The following PANX1 variants were observed in gnomAD, a reference collection of about 807,000 sequenced individuals.
PANX1 encodes pannexin 1.
Under a neutral mutation model 38.7 loss-of-function variants are expected in PANX1, and 30 were observed. That is an observed-to-expected ratio of 0.78 (90% CI 0.58 to 1.05). The LOEUF (loss-of-function observed/expected upper bound fraction) is 1.05. PANX1 is among the 50% of genes least tolerant of loss of function. PANX1 has a pLI of 0.00. For missense variants in PANX1, 551 were observed against 517.2 expected, an observed-to-expected ratio of 1.07 and a Z score of -0.63; for synonymous variants, 230 against 212.2, an observed-to-expected ratio of 1.08 and a Z score of -0.73.
intron 1 of PANX1, among the ~76,000 whole-genome samples, chr11:94,139,195 T>TA (rs1946733402): frequency 6.6e-6 from 1 of 152,252 alleles, no homozygotes; most frequent in Non-Finnish European, 1.5e-5. Context: ...ACTGCTTTCA[T>TA]ACTGGCTTGT....
At chr11:94,133,331 A>G (rs1199900381) in intron 1 of PANX1, among the ~76,000 whole-genome samples, 2 of 152,108 alleles carry the variant, frequency 1.3e-5, no homozygotes, top group African/African-American at 4.8e-5. Context: ...GCTGCCCACA[A>G]TCACAGGTTG....
At chr11:94,158,018 T>C (rs1030314521) in intron 2 of PANX1, among the ~76,000 whole-genome samples, 28 of 152,354 alleles carry the variant, frequency 1.8e-4, no homozygotes, top group Non-Finnish European at 3.1e-4. Flanking sequence ...CCCCATTTCT[T>C]GTTTTTGTCA....
At chr11:94,142,048 C>G (rs1946768101) in intron 1 of PANX1, among the ~76,000 whole-genome samples, 1 of 152,164 alleles carries the variant, frequency 6.6e-6, no homozygotes, top group Admixed American at 6.5e-5. Context: ...ATTGCTCTTT[C>G]CAGAGCCTGG....
intron 2 of PANX1, among the ~76,000 whole-genome samples, chr11:94,176,729 A>G (rs978095426): frequency 6.6e-6 from 1 of 151,664 alleles, no homozygotes; most frequent in Non-Finnish European, 1.5e-5. Flanking sequence ...GACCCATCCA[A>G]AAGTAAGGAG....
chr11:94,138,552 G>A (rs1467566969), intron 1 of PANX1, among the ~76,000 whole-genome samples: 1 of 151,902 alleles, frequency 6.6e-6, no homozygotes, highest in Non-Finnish European at 1.5e-5. Flanking sequence ...ATATTCATGG[G>A]GTATGTGAGA....
intron 2 of PANX1, among the ~76,000 whole-genome samples, chr11:94,155,125 C>T (rs374415560): frequency 3.3e-5 from 5 of 151,884 alleles, no homozygotes; most frequent in East Asian, 1.9e-4. Context: ...CCGAGGCAAG[C>T]GGATCACTTG....
intron 2 of PANX1, among the ~76,000 whole-genome samples, chr11:94,174,592 GCTT>G: frequency 1.3e-5 from 2 of 151,624 alleles, no homozygotes; most frequent in Non-Finnish European, 2.9e-5. Context: ...TTAATTATCA[GCTT>G]GTGTTCCCAT....
chr11:94,134,529 T>G (rs1946664848), intron 1 of PANX1, among the ~76,000 whole-genome samples: 1 of 152,214 alleles, frequency 6.6e-6, no homozygotes, highest in Non-Finnish European at 1.5e-5. Context: ...CCCAATGTGA[T>G]GCTAATTGGA....
intron 2 of PANX1, among the ~76,000 whole-genome samples, chr11:94,167,253 G>A (rs1290470915): frequency 1.3e-5 from 2 of 152,200 alleles, no homozygotes; most frequent in East Asian, 3.8e-4. Context: ...GGTGTAAGCA[G>A]TGCAAGACCG....
chr11:94,179,899 T>C lies in PANX1; in HGVS notation c.843T>C (p.Leu281=), dbSNP rs756115420. Residue 281 remains leucine (L), a synonymous_variant, in exon 4 of 5, where the codon CTT becomes CTC. Coordinates refer to ENST00000227638, the MANE Select transcript of PANX1 (RefSeq NM_015368.4). The stretch of plus-strand genomic sequence containing the variant: ...TCCAGTTGCTCAGTGTCATTAACCT[T>C]GTGGTTTATGTCCTGCTGGCTCCCG... ...GIFQLLSVIN[L]VVYVLLAPVV... is the part of the protein sequence containing the mutation. 2 of 1,613,750 alleles carry C rather than the reference T, an allele frequency of 1.2e-6. No individual in the cohort carries two copies. The highest frequency in any genetic ancestry group is 2.2e-5 in the South Asian group (2 of 91,032).
At chr11:94,158,503 T>G (rs1032780471) in intron 2 of PANX1, among the ~76,000 whole-genome samples, 14 of 151,802 alleles carry the variant, frequency 9.2e-5, no homozygotes, top group Non-Finnish European at 1.8e-4. Flanking sequence ...TTATTCTCTT[T>G]GAAGCAATTG....
At chr11:94,179,517 G>A in intron 3 of PANX1, 85 bp from the exon 4 acceptor site, 1 of 949,840 alleles carries the variant, frequency 1.1e-6, no homozygotes, top group Non-Finnish European at 1.6e-6. Flanking sequence ...AATTTTTAGT[G>A]TGACATTGTT....
chr11:94,129,464 C>T lies in PANX1; in HGVS notation c.152C>T (p.Ser51Leu), dbSNP rs764404754. The change falls in exon 1 of 5, where the codon TCG becomes TTG. Residue 51 changes from serine (S) to leucine (L), a missense_variant. Transcript: ENST00000227638. ...GTGGGGCTGCCCCTGCTGCTCATCT[C>T]GCTGGCCTTCGCGCAGGAGATCTCG... ...IAVGLPLLLISLAFAQEISIG... is the reference protein window; with the variant it reads ...IAVGLPLLLILLAFAQEISIG... 1 of 1,613,036 alleles carries T rather than the reference C, an allele frequency of 6.2e-7. No individual in the cohort carries two copies. Among genetic ancestry groups the T allele is most frequent in the Non-Finnish European group, 8.5e-7 (1 of 1,179,330 alleles).
chr11:94,147,574 C>G (rs1444243251), intron 1 of PANX1, among the ~76,000 whole-genome samples: 1 of 152,136 alleles, frequency 6.6e-6, no homozygotes, highest in Non-Finnish European at 1.5e-5. Flanking sequence ...TTGTGGCTGT[C>G]ATCTCCAGCC....
intron 1 of PANX1, among the ~76,000 whole-genome samples, chr11:94,147,117 T>C (rs1004365444): frequency 6.6e-6 from 1 of 152,200 alleles, no homozygotes; most frequent in African/African-American, 2.4e-5. Flanking sequence ...TGTAATAGTC[T>C]TGTAATCTTT....
In PANX1 at chr11:94,153,539, C is replaced by A. The variant is rs1427253684; in HGVS notation, c.230C>A (p.Ala77Asp). The A allele has an allele frequency of 6.2e-7, 1 of 1,614,018 alleles. No individual in the cohort carries two copies. The highest frequency in any genetic ancestry group is 1.3e-5 in the African/African-American group (1 of 74,914). The part of the protein sequence containing the change: ...FSPSSFSWRQ[A>D]AFVDSYCWAA... Reference sequence around the variant, plus strand: ...CCAAGTTCTTTCTCCTGGCGTCAGGCTGCCTTTGTGGATTCATATTGCTGG... The same window carrying A: ...CCAAGTTCTTTCTCCTGGCGTCAGGATGCCTTTGTGGATTCATATTGCTGG... The change falls in exon 2 of 5, where the codon GCT (alanine) becomes GAT (aspartate). Residue 77 changes from alanine (A) to aspartate (D), a missense_variant. Ala to Asp is a moderately radical substitution (Grantham distance 126). Transcript: ENST00000227638.
intron 2 of PANX1, among the ~76,000 whole-genome samples, chr11:94,156,888 A>G (rs538990172): frequency 2.9e-4 from 43 of 147,688 alleles, no homozygotes; most frequent in Non-Finnish European, 4.6e-4. Flanking sequence ...CCCCCCACCC[A>G]AAAACAAGCC....
chr11:94,153,081 G>GT (rs900829921), intron 1 of PANX1, among the ~76,000 whole-genome samples: 61 of 152,048 alleles, frequency 4.0e-4, no homozygotes, highest in African/African-American at 1.3e-3. Flanking sequence ...AAAAGAACTT[G>GT]TTTTTTTAGT....
intron 2 of PANX1, among the ~76,000 whole-genome samples, chr11:94,173,293 C>A (rs964854812): frequency 1.3e-5 from 2 of 151,654 alleles, no homozygotes; most frequent in Non-Finnish European, 2.9e-5. Context: ...CTGGTCTTCT[C>A]CTTCTGCCCA....
Sources: allele counts gnomAD v4.1 joint callset (sites outside exome capture counted in the v4.1 genomes callset), GRCh38; gene constraint gnomAD v4.1.1; transcripts MANE v1.5; gene names NCBI Gene and HGNC (gene_info 2026-07-23, HGNC 2026-07-21).